The following RAPGEF6 variants were observed in gnomAD, a reference collection of about 807,000 sequenced individuals.
The protein encoded by RAPGEF6 is Rap guanine nucleotide exchange factor 6, also known as PDZ domain containing guanine nucleotide exchange factor (GEF) 2.
In RAPGEF6, 56 loss-of-function variants were observed where a neutral mutation model predicts 171.4. The ratio of observed to expected loss-of-function variants is 0.33; its 90% CI spans 0.26 to 0.41. RAPGEF6 has a LOEUF of 0.41. RAPGEF6 is among the 10% of genes least tolerant of loss of function. The pLI is 1.00. For missense variants in RAPGEF6, 1,674 were observed against 1,921.4 expected, an observed-to-expected ratio of 0.87 and a Z score of 2.41; for synonymous variants, 692 against 650.1, an observed-to-expected ratio of 1.06 and a Z score of -0.98.
chr5:131,567,071 G>C (rs1050387792), intron 4 of RAPGEF6, among the ~76,000 whole-genome samples: 1 of 147,408 alleles, frequency 6.8e-6, no homozygotes, highest in Non-Finnish European at 1.5e-5. Context: ...TCCAGCCTGG[G>C]CGACAAGAGC....
intron 1 of RAPGEF6, among the ~76,000 whole-genome samples, chr5:131,606,029 C>CAAA (rs1168486376): frequency 5.5e-4 from 39 of 70,528 alleles, no homozygotes; most frequent in African/African-American, 2.9e-3. Context: ...GACTCCATCT[C>CAAA]AAAAAAAAAA....
chr5:131,443,356 G>A (rs943679824), intron 22 of RAPGEF6, among the ~76,000 whole-genome samples: 5 of 152,140 alleles, frequency 3.3e-5, no homozygotes, highest in Non-Finnish European at 7.4e-5. Flanking sequence ...GTGATTACAG[G>A]TGTGAGCTAC....
chr5:131,592,468 T>C lies in RAPGEF6; in HGVS notation c.198-2A>G. The C allele has an allele frequency of 6.2e-7, 1 of 1,612,208 alleles. No individual in the cohort carries two copies. Among genetic ancestry groups the C allele is most frequent in the South Asian group, 1.1e-5 (1 of 90,774 alleles). ...CAACATCTGGCAATCGTTTCTGAAC[T>C]GTTTAAATAAATAAGTAAATAAATG... On this transcript the variant is annotated splice_acceptor_variant, in intron 3 of 27. Coordinates refer to ENST00000509018, the MANE Select transcript of RAPGEF6 (RefSeq NM_016340.6). LOFTEE classifies it high-confidence loss of function.
rs148577513 is a variant in RAPGEF6 at position 131,505,257 on chromosome 5, G to T, written c.1101+107C>A. The T allele has an allele frequency of 6.8e-4, 778 of 1,135,998 alleles. 7 individuals are homozygous for T. The African/African-American group carries it at 0.011, about 17-fold the overall frequency. The allele number at this position is 1,135,998 out of a possible 1,614,324, so 70.4% of individuals were successfully genotyped here. ...TTTCCTTTATTAACTGTGAGCTATTGAAACTCCTAATTCTCAAATAAAGCT... is the reference window on the plus strand; with the variant it reads ...TTTCCTTTATTAACTGTGAGCTATTTAAACTCCTAATTCTCAAATAAAGCT... On this transcript the variant is annotated intron_variant, in intron 10 of 27. Transcript: ENST00000509018.
At chr5:131,497,024 A>G (rs935413620) in intron 12 of RAPGEF6, among the ~76,000 whole-genome samples, 29 of 152,072 alleles carry the variant, frequency 1.9e-4, no homozygotes, top group Non-Finnish European at 4.0e-4. Context: ...TACCGTTGGC[A>G]ATGTTTGTTA....
intron 21 of RAPGEF6, among the ~76,000 whole-genome samples, chr5:131,449,414 C>A (rs1265053226): frequency 2.0e-5 from 3 of 152,116 alleles, no homozygotes; most frequent in African/African-American, 7.2e-5. Context: ...TCTTCTAGTT[C>A]AATTTTATAG....
intron 21 of RAPGEF6, among the ~76,000 whole-genome samples, chr5:131,451,540 GACACC>G (rs1302928553): frequency 6.6e-6 from 1 of 152,020 alleles, no homozygotes; most frequent in Non-Finnish European, 1.5e-5. Flanking sequence ...AGTGAGCCAA[GACACC>G]ACCACTGCAC....
At chr5:131,546,060 A>G (rs1760506844) in intron 6 of RAPGEF6, among the ~76,000 whole-genome samples, 1 of 152,230 alleles carries the variant, frequency 6.6e-6, no homozygotes, top group South Asian at 2.1e-4. Flanking sequence ...ACTCATGAGC[A>G]TGATCCACAG....
chr5:131,452,953 C>A (rs1345597683), intron 21 of RAPGEF6, 101 bp downstream of exon 21: 9 of 1,423,650 alleles, frequency 6.3e-6, no homozygotes, highest in Non-Finnish European at 8.4e-6. Flanking sequence ...CTTTGTACAG[C>A]ACACATGGTA....
At chr5:131,602,034 C>CAA (rs11400631) in intron 3 of RAPGEF6, among the ~76,000 whole-genome samples, 1,388 of 123,866 alleles carry the variant, frequency 0.011, 23 homozygotes, top group African/African-American at 0.032. Context: ...GACTCCGTCT[C>CAA]AAAAAAAAAA....
At chr5:131,518,867 T>G (rs1423847978) in intron 7 of RAPGEF6, among the ~76,000 whole-genome samples, 1 of 152,226 alleles carries the variant, frequency 6.6e-6, no homozygotes, top group Non-Finnish European at 1.5e-5. Flanking sequence ...TATCTTTTCA[T>G]GCTCTCTAAA....
At chr5:131,576,065 T>C (rs1485679534) in intron 4 of RAPGEF6, among the ~76,000 whole-genome samples, 1 of 152,220 alleles carries the variant, frequency 6.6e-6, no homozygotes, top group African/African-American at 2.4e-5. Context: ...ACAATTACCA[T>C]TATTCCTGGC....
chr5:131,474,103 C>T (rs867844472), intron 16 of RAPGEF6, among the ~76,000 whole-genome samples: 3 of 152,052 alleles, frequency 2.0e-5, no homozygotes, highest in Admixed American at 1.3e-4. Context: ...GTAATATAGG[C>T]GAATGTTGTG....
At chr5:131,538,528 C>T (rs565028108) in intron 6 of RAPGEF6, among the ~76,000 whole-genome samples, 1 of 152,308 alleles carries the variant, frequency 6.6e-6, no homozygotes, top group East Asian at 1.9e-4. Context: ...TTACGCAACA[C>T]ATGACTGTAT....
In RAPGEF6 at chr5:131,531,683, A is replaced by T. The variant is rs888950224; in HGVS notation, c.496-10162T>A. On this transcript the variant is annotated intron_variant, in intron 6 of 27. Transcript: ENST00000509018. ...AAATAGCACAATTCAATTGTAAAAT[A>T]GCACAATTCAATCATAATTTATGAC... Among the ~76,000 whole-genome samples, 3 of 152,228 alleles carry T rather than the reference A, an allele frequency of 2.0e-5. No homozygotes were observed. The East Asian group carries it at 5.8e-4, about 29-fold the overall frequency.
chr5:131,563,248 AC>A (rs559011226), intron 4 of RAPGEF6, among the ~76,000 whole-genome samples: 58 of 152,228 alleles, frequency 3.8e-4, no homozygotes, highest in Admixed American at 1.2e-3. Context: ...TGGAAAAAAA[AC>A]ATTAATCATT....
chr5:131,561,250 T>C (rs762074859), intron 5 of RAPGEF6, among the ~76,000 whole-genome samples: 4 of 152,244 alleles, frequency 2.6e-5, no homozygotes, highest in Non-Finnish European at 5.9e-5. Context: ...CACCATTTCT[T>C]ACTTGGATCT....
chr5:131,553,236 C>G (rs1043008448), intron 5 of RAPGEF6, among the ~76,000 whole-genome samples: 4 of 152,166 alleles, frequency 2.6e-5, no homozygotes, highest in Admixed American at 2.6e-4. Flanking sequence ...CCAGCAAACT[C>G]AAGGACAAAG....
chr5:131,620,049 A>C (rs887933013), intron 1 of RAPGEF6, among the ~76,000 whole-genome samples: 42 of 152,322 alleles, frequency 2.8e-4, no homozygotes, highest in African/African-American at 1.0e-3. Flanking sequence ...GCAAGTCTTC[A>C]GTATTTTATT....
Sources: gnomAD v4.1 joint callset for allele counts (sites outside exome capture counted in the v4.1 genomes callset) on GRCh38, gnomAD v4.1.1 for gene constraint, MANE v1.5 for transcripts, NCBI Gene and HGNC (gene_info 2026-07-23, HGNC 2026-07-21) for gene names.